The following FNTB variants were observed in gnomAD, a reference collection of about 807,000 sequenced individuals.
FNTB encodes the protein farnesyltransferase, CAAX box, subunit beta.
A neutral mutation model predicts 59.4 loss-of-function variants in FNTB; 27 were observed. That is an observed-to-expected ratio of 0.45 (90% CI 0.34 to 0.63). The LOEUF (loss-of-function observed/expected upper bound fraction) is 0.63, where lower values mean the gene tolerates loss of function less well. Among genes scored for constraint, FNTB ranks in the 20% least tolerant of loss-of-function variants. The probability of loss-of-function intolerance (pLI) is 0.02; values close to 1 mark genes in which losing one functional copy is unlikely to be tolerated. For missense variants in FNTB, 449 were observed against 559.6 expected (o/e 0.80, Z 1.99); for synonymous variants, 230 against 220.7 (o/e 1.04, Z -0.37).
Position 65,032,740 on chromosome 14 carries a change from G to A in FNTB, c.692+44G>A, listed in dbSNP as rs759343722. ...TCTCCTGGCCTCTTGGAGAGCAGGC[G>A]GTCACGACACTACTTCAGAAAAATA... On this transcript the variant is annotated intron_variant, in intron 7 of 11. Coordinates refer to ENST00000246166, the MANE Select transcript of FNTB (RefSeq NM_002028.4). The surrounding 1 kb of genome is among the most constrained non-coding windows in gnomAD (Gnocchi z 5.0). 1.1e-5 allele frequency: 18 copies of A among 1,584,736 alleles called. No homozygotes were observed. The highest frequency in any genetic ancestry group is 3.4e-5 in the South Asian group (3 of 87,866).
rs1012722832 is a variant in FNTB at position 65,029,411 on chromosome 14, T to C, written c.605+1630T>C. Among the ~76,000 whole-genome samples the C allele has an allele frequency of 2.6e-5, 4 of 152,176 alleles. No homozygotes were observed. Among genetic ancestry groups the C allele is most frequent in the African/African-American group, 9.7e-5 (4 of 41,440 alleles). On this transcript the variant is annotated intron_variant, in intron 6 of 11. Coordinates refer to ENST00000246166, the MANE Select transcript of FNTB (RefSeq NM_002028.4). This position sits in a 1 kb window ranked among gnomAD's most constrained non-coding sequence, Gnocchi z 4.7. ...CATCTGGAGACTAGCTCGCTGCCCTTCTGGGATAGACAGCAGTCTCTGGAT... is the reference window on the plus strand; with the variant it reads ...CATCTGGAGACTAGCTCGCTGCCCTCCTGGGATAGACAGCAGTCTCTGGAT...
chr14:65,034,097 TTGTC>T (rs552371758), intron 7 of FNTB, among the ~76,000 whole-genome samples: 1 of 152,168 alleles, frequency 6.6e-6, no homozygotes, highest in Non-Finnish European at 1.5e-5. Context: ...CCTTCCCAAA[TTGTC>T]TGTCAGAGCT....
chr14:65,038,375 A>C (rs1053621119), intron 7 of FNTB, among the ~76,000 whole-genome samples: 1 of 151,292 alleles, frequency 6.6e-6, no homozygotes, highest in Middle Eastern at 3.2e-3. Context: ...GCACCATTGC[A>C]CTCCAGCCCA....
chr14:65,032,991 G>A lies in FNTB; in HGVS notation c.692+295G>A, dbSNP rs2062115160. Among the ~76,000 whole-genome samples the A allele has an allele frequency of 6.6e-6, 1 of 152,264 alleles. No homozygotes were observed. The highest frequency in any genetic ancestry group is 2.1e-4 in the South Asian group (1 of 4,824). On this transcript the variant is annotated intron_variant, in intron 7 of 11. Coordinates refer to ENST00000246166, the MANE Select transcript of FNTB (RefSeq NM_002028.4). This position sits in a 1 kb window ranked among gnomAD's most constrained non-coding sequence, Gnocchi z 5.0. ...AGAGCAATTTGACAGTATGTCAAAG[G>A]TGCCCTTGCGTAGGACCCAGTAATT...
intron 7 of FNTB, among the ~76,000 whole-genome samples, chr14:65,033,593 C>T (rs752667483): frequency 3.9e-5 from 6 of 152,250 alleles, no homozygotes; most frequent in Middle Eastern, 6.8e-3. Flanking sequence ...TGCGGTGGCT[C>T]ACGCCTGTAA....
intron 7 of FNTB, among the ~76,000 whole-genome samples, chr14:65,040,207 A>G (rs1051947497): frequency 3.3e-5 from 5 of 151,408 alleles, no homozygotes; most frequent in African/African-American, 4.9e-5. Context: ...ACTAGAATCA[A>G]CAATCACTCT....
intron 9 of FNTB, among the ~76,000 whole-genome samples, chr14:65,051,166 G>A (rs929400666): frequency 4.6e-5 from 7 of 152,222 alleles, no homozygotes; most frequent in African/African-American, 1.2e-4. Flanking sequence ...GGCTGAGTGC[G>A]ACTCAGGGTT....
chr14:65,014,254 C>T lies in FNTB; in HGVS notation c.283-1371C>T, dbSNP rs920729979. 3.3e-5 allele frequency among the ~76,000 whole-genome samples: 5 copies of T among 152,200 alleles called. No homozygotes were observed. Among genetic ancestry groups the T allele is most frequent in the African/African-American group, 1.2e-4 (5 of 41,440 alleles). ...AGTACTCCTACCTACCCTGCCTAGCCTTGAATGCTCAATAATCATTTATGG... is the reference window on the plus strand; with the variant it reads ...AGTACTCCTACCTACCCTGCCTAGCTTTGAATGCTCAATAATCATTTATGG... On this transcript the variant is annotated intron_variant, in intron 3 of 11. Coordinates refer to ENST00000246166, the MANE Select transcript of FNTB (RefSeq NM_002028.4). The surrounding 1 kb of genome is among the most constrained non-coding windows in gnomAD (Gnocchi z 5.1).
At chr14:65,024,733 G>A (rs1334220877) in intron 4 of FNTB, among the ~76,000 whole-genome samples, 1 of 151,958 alleles carries the variant, frequency 6.6e-6, no homozygotes, top group Non-Finnish European at 1.5e-5. Context: ...TTATTTATTG[G>A]TGAACTTCTT....
intron 1 of FNTB, among the ~76,000 whole-genome samples, chr14:64,989,121 C>T (rs560871479): frequency 1.3e-5 from 2 of 152,112 alleles, no homozygotes; most frequent in South Asian, 2.1e-4. Context: ...ACTAAAGCTT[C>T]CATTTACTGA....
chr14:65,035,490 CT>C (rs1730779104), intron 7 of FNTB, among the ~76,000 whole-genome samples: 1 of 152,064 alleles, frequency 6.6e-6, no homozygotes, highest in Non-Finnish European at 1.5e-5. Flanking sequence ...TTTGCCCTTT[CT>C]TTCCTCTTCT....
At chr14:64,989,549 A>G (rs191144757) in intron 1 of FNTB, among the ~76,000 whole-genome samples, 1 of 152,216 alleles carries the variant, frequency 6.6e-6, no homozygotes, top group African/African-American at 2.4e-5. Context: ...AAAACAAACA[A>G]AAAATAAATG....
chr14:65,000,070 C>G (rs998524615), intron 1 of FNTB, among the ~76,000 whole-genome samples: 1 of 152,292 alleles, frequency 6.6e-6, no homozygotes, highest in East Asian at 1.9e-4. Flanking sequence ...TGGGAGCTTT[C>G]CTTCCTAGAC....
At chr14:65,056,492 G>A (rs899598009) in intron 11 of FNTB, among the ~76,000 whole-genome samples, 2 of 152,180 alleles carry the variant, frequency 1.3e-5, no homozygotes, top group Admixed American at 6.5e-5. Context: ...AAGATGAATC[G>A]ATCCATAGTC....
In FNTB at chr14:65,026,646, G is replaced by C. The variant is rs988330857; in HGVS notation, c.375-807G>C. On this transcript the variant is annotated intron_variant, in intron 4 of 11. Coordinates refer to ENST00000246166, the MANE Select transcript of FNTB (RefSeq NM_002028.4). ...AGGCTGCGGCGGGTGGATCACTTGAGGTCAGGTAGTTCAAGACCAGCCTGG... is the reference window on the plus strand; with the variant it reads ...AGGCTGCGGCGGGTGGATCACTTGACGTCAGGTAGTTCAAGACCAGCCTGG... Among the ~76,000 whole-genome samples, 5 of 152,228 alleles carry C rather than the reference G, an allele frequency of 3.3e-5. No homozygotes were observed. In the South Asian group the frequency reaches 1.0e-3, roughly 32 times the overall value.
At chr14:65,060,111 G>C (rs1040064370) in intron 11 of FNTB, among the ~76,000 whole-genome samples, 1 of 151,494 alleles carries the variant, frequency 6.6e-6, no homozygotes, top group African/African-American at 2.4e-5. Context: ...GGGATTACAG[G>C]CATGAGCCAC....
intron 2 of FNTB, among the ~76,000 whole-genome samples, chr14:65,010,213 A>G (rs1387932197): frequency 4.6e-5 from 7 of 152,136 alleles, no homozygotes; most frequent in Non-Finnish European, 2.9e-5. Flanking sequence ...TCCCTAGCAT[A>G]TGTAAACTCT....
intron 2 of FNTB, among the ~76,000 whole-genome samples, chr14:65,008,346 C>T (rs1214840692): frequency 6.6e-6 from 1 of 152,214 alleles, no homozygotes; most frequent in African/African-American, 2.4e-5. Flanking sequence ...GTGTGATCCT[C>T]TCTTTCAGCA....
chr14:65,040,922 A>C lies in FNTB; in HGVS notation c.822+3A>C. The stretch of plus-strand genomic sequence containing the variant: ...CCTTGAACTTGAAGAGCTTATTAGT[A>C]AGTATCTTTTGAGCCATCCCCCTCT... On this transcript the variant is annotated splice_donor_region_variant and intron_variant, in intron 8 of 11. Coordinates refer to ENST00000246166, the MANE Select transcript of FNTB (RefSeq NM_002028.4). 4.3e-6 allele frequency: 7 copies of C among 1,613,192 alleles called. No homozygotes were observed. Among genetic ancestry groups the C allele is most frequent in the Non-Finnish European group, 5.9e-6 (7 of 1,179,416 alleles).
Sources: gnomAD v4.1 joint callset for allele counts (sites outside exome capture counted in the v4.1 genomes callset) on GRCh38, gnomAD v4.1.1 for gene constraint, Gnocchi (gnomAD v3.1) non-coding constraint, MANE v1.5 for transcripts, NCBI Gene and HGNC (gene_info 2026-07-23, HGNC 2026-07-21) for gene names.